The following MIPOL1 variants were observed in gnomAD, a reference collection of about 807,000 sequenced individuals.
MIPOL1 encodes mirror-image polydactyly 1, also known as mirror-image polydactyly gene 1 protein.
In MIPOL1, 57 loss-of-function variants were observed where a neutral mutation model predicts 60.9. That is an observed-to-expected ratio of 0.94 (90% CI 0.76 to 1.17). MIPOL1 has a LOEUF of 1.17. MIPOL1 is among the 50% of genes most tolerant of loss of function. The pLI is 0.00. For synonymous variants in MIPOL1, 179 were observed against 168.8 expected (o/e 1.06, Z -0.47); for missense variants, 551 against 511.6 (o/e 1.08, Z -0.74).
chr14:37,401,020 A>C (rs1046825888), intron 10 of MIPOL1: 1 of 152,144 alleles, frequency 6.6e-6, no homozygotes, highest in African/African-American at 2.4e-5. Flanking sequence ...TAGAGAACCA[A>C]AGATATTTTG....
At chr14:37,391,587 G>A (rs911886113) in intron 10 of MIPOL1, among the ~76,000 whole-genome samples, 4 of 151,854 alleles carry the variant, frequency 2.6e-5, no homozygotes, top group Non-Finnish European at 5.9e-5. Context: ...GTAGAAACGG[G>A]GTTTCAGCAT....
intron 1 of MIPOL1, among the ~76,000 whole-genome samples, chr14:37,215,453 C>T (rs1470705754): frequency 6.6e-6 from 1 of 151,946 alleles, no homozygotes; most frequent in Non-Finnish European, 1.5e-5. Flanking sequence ...CGCTACAGCT[C>T]ATGGTAACCT....
intron 10 of MIPOL1, among the ~76,000 whole-genome samples, chr14:37,384,206 G>T (rs10136240): frequency 0.97 from 147,276 of 152,026 alleles, 71,413 homozygotes; most frequent in East Asian, 1. Context: ...ATATAATGTC[G>T]TTCACATTTG....
At chr14:37,450,340 G>T (rs1023008945) in intron 11 of MIPOL1, among the ~76,000 whole-genome samples, 21 of 152,004 alleles carry the variant, frequency 1.4e-4, no homozygotes, top group Non-Finnish European at 2.9e-4. Context: ...CTTCTATCTT[G>T]CTTTATTTCC....
intron 10 of MIPOL1, among the ~76,000 whole-genome samples, chr14:37,390,304 C>T (rs948277905): frequency 6.6e-6 from 1 of 152,044 alleles, no homozygotes; most frequent in Admixed American, 6.6e-5. Flanking sequence ...ATCAGCCCCA[C>T]TTTATCTACC....
intron 1 of MIPOL1, among the ~76,000 whole-genome samples, chr14:37,206,570 A>G (rs1966126206): frequency 6.6e-6 from 1 of 152,182 alleles, no homozygotes; most frequent in South Asian, 2.1e-4. Context: ...GGGGGCCACC[A>G]TCCTCCAGAC....
chr14:37,346,546 GT>G (rs2090959582), intron 9 of MIPOL1, among the ~76,000 whole-genome samples: 1 of 151,986 alleles, frequency 6.6e-6, no homozygotes, highest in South Asian at 2.1e-4. Context: ...TGGCCTGAAA[GT>G]CCCCCTGCCA....
chr14:37,264,212 C>G (rs187216220), intron 3 of MIPOL1, among the ~76,000 whole-genome samples: 1 of 151,878 alleles, frequency 6.6e-6, no homozygotes, highest in African/African-American at 2.4e-5. Context: ...TAAATTTGGG[C>G]TATGAATAAG....
intron 7 of MIPOL1, among the ~76,000 whole-genome samples, chr14:37,288,664 A>C (rs1288518714): frequency 3.3e-5 from 5 of 152,080 alleles, no homozygotes; most frequent in Non-Finnish European, 5.9e-5. Flanking sequence ...TAAAAGATGT[A>C]GCCTGACATG....
rs555605092 is a variant in MIPOL1, at chr14:37,512,617, T to A, written c.1262+12479T>A. On this transcript the variant is annotated intron_variant, in intron 12 of 12. Coordinates refer to ENST00000684589, the MANE Select transcript of MIPOL1 (RefSeq NM_001388067.1). The stretch of plus-strand genomic sequence containing the variant: ...TGAAAGGCCTCAGTGAATTTTTTTT[T>A]ATAATTTCATTGTCTTTTCATTAAA... Among the ~76,000 whole-genome samples the A allele has an allele frequency of 2.6e-5, 4 of 152,274 alleles. No homozygotes were observed. The South Asian group carries it at 6.2e-4, about 24-fold the overall frequency.
chr14:37,540,922 A>G (rs1212768942), intron 12 of MIPOL1, among the ~76,000 whole-genome samples: 2 of 152,130 alleles, frequency 1.3e-5, no homozygotes, highest in East Asian at 3.9e-4. Flanking sequence ...ATCATTCTCT[A>G]TCCCTCTTGT....
chr14:37,531,001 A>G (rs112341695), intron 12 of MIPOL1, among the ~76,000 whole-genome samples: 2,279 of 152,108 alleles, frequency 0.015, 56 homozygotes, highest in African/African-American at 0.052. Flanking sequence ...TATTTTTAGT[A>G]GAGACGGGGT....
At chr14:37,303,636 G>C (rs1393431922) in intron 7 of MIPOL1, among the ~76,000 whole-genome samples, 1 of 151,650 alleles carries the variant, frequency 6.6e-6, no homozygotes, top group Non-Finnish European at 1.5e-5. Flanking sequence ...TAGAGTATTA[G>C]TATTAAGGGA....
chr14:37,455,147 A>G (rs1303966369), intron 11 of MIPOL1, among the ~76,000 whole-genome samples: 1 of 152,188 alleles, frequency 6.6e-6, no homozygotes, highest in Non-Finnish European at 1.5e-5. Flanking sequence ...AATGTATAAA[A>G]TGGAAGGCAG....
At chr14:37,476,982 C>T (rs1247984062) in intron 11 of MIPOL1, among the ~76,000 whole-genome samples, 1 of 149,086 alleles carries the variant, frequency 6.7e-6, no homozygotes. Flanking sequence ...CTCACTGCAG[C>T]CTCCTCCTCC....
chr14:37,326,676 C>A (rs1228300337), intron 9 of MIPOL1, among the ~76,000 whole-genome samples: 1 of 152,066 alleles, frequency 6.6e-6, no homozygotes, highest in East Asian at 1.9e-4. Context: ...GTTGCCGAGC[C>A]CTTGCAGAAC....
At chr14:37,351,577 C>T (rs914579845) in intron 9 of MIPOL1, among the ~76,000 whole-genome samples, 8 of 146,750 alleles carry the variant, frequency 5.5e-5, no homozygotes, top group African/African-American at 1.5e-4. Flanking sequence ...CCTGTTGTTT[C>T]CTGACTTTTT....
intron 12 of MIPOL1, among the ~76,000 whole-genome samples, chr14:37,540,540 G>A (rs761011565): frequency 2.0e-5 from 3 of 152,112 alleles, no homozygotes; most frequent in Non-Finnish European, 4.4e-5. Context: ...TACAGCTTCT[G>A]CATGGAGGAA....
At chr14:37,381,777 A>G (rs1336656044) in intron 10 of MIPOL1, among the ~76,000 whole-genome samples, 5 of 150,558 alleles carry the variant, frequency 3.3e-5, no homozygotes, top group Non-Finnish European at 7.4e-5. Context: ...TTTAGTAGAG[A>G]TGAGATCTCA....
Sources: allele counts gnomAD v4.1 joint callset (sites outside exome capture counted in the v4.1 genomes callset), GRCh38; gene constraint gnomAD v4.1.1; transcripts MANE v1.5; gene names NCBI Gene and HGNC (gene_info 2026-07-23, HGNC 2026-07-21).